Variants in PABPC4L observed in about 807,000 individuals in gnomAD.
PABPC4L encodes the protein polyadenylate-binding protein 4-like.
For missense variants in PABPC4L, 452 were observed against 451.4 expected, an observed-to-expected ratio of 1.00 and a Z score of -0.01; for synonymous variants, 169 against 164.1, an observed-to-expected ratio of 1.03 and a Z score of -0.23.
At chr4:134,003,027 G>A in the PABPC4L span, among the ~76,000 whole-genome samples, 1 of 151,888 alleles carries the variant, frequency 6.6e-6, no homozygotes, top group Admixed American at 6.6e-5. Flanking sequence ...TGCTTCAGAG[G>A]TATATATTGC....
Position 134,200,977 on chromosome 4 carries a change from C to G in PABPC4L, c.43G>C (p.Gly15Arg). 1 of 1,553,046 alleles carries G rather than the reference C, an allele frequency of 6.4e-7. No individual in the cohort carries two copies. Among genetic ancestry groups the G allele is most frequent in the Non-Finnish European group, 8.7e-7 (1 of 1,147,748 alleles). ...AKYRMASLYV[G>R]DLHADVTEDL... ...TCGGTGACATCTGCATGTAAGTCAC[C>G]CACATACAGGGAGGCCATGCGGTAC... Residue 15 changes from glycine to arginine, a missense_variant, in exon 2 of 2, where the codon GGT becomes CGT. Coordinates refer to ENST00000421491, the MANE Select transcript of PABPC4L (RefSeq NM_001114734.2).
At chr4:134,168,003 A>C in the PABPC4L span, among the ~76,000 whole-genome samples, 1 of 152,056 alleles carries the variant, frequency 6.6e-6, no homozygotes, top group Non-Finnish European at 1.5e-5. Context: ...TCTCCTCAGC[A>C]CATGAAACAT....
At chr4:134,058,024 A>G in the PABPC4L span, among the ~76,000 whole-genome samples, 1 of 152,022 alleles carries the variant, frequency 6.6e-6, no homozygotes, top group Non-Finnish European at 1.5e-5. Context: ...ATTTTTAAAT[A>G]TGAGTTGAGG....
chr4:134,079,996 T>A, the PABPC4L span, among the ~76,000 whole-genome samples: 1 of 152,142 alleles, frequency 6.6e-6, no homozygotes, highest in Non-Finnish European at 1.5e-5. Context: ...TTATTTCTAT[T>A]TTTTTATTAT....
At chr4:134,080,362 G>A in the PABPC4L span, among the ~76,000 whole-genome samples, 1 of 151,966 alleles carries the variant, frequency 6.6e-6, no homozygotes, top group East Asian at 1.9e-4. Flanking sequence ...CTCTTTCAAT[G>A]GTAATTTGCA....
At chr4:134,036,345 T>C in the PABPC4L span, among the ~76,000 whole-genome samples, 1 of 152,142 alleles carries the variant, frequency 6.6e-6, no homozygotes, top group African/African-American at 2.4e-5. Flanking sequence ...ATATTCATGA[T>C]CTGTCAATAA....
chr4:134,116,243 G>C, the PABPC4L span, among the ~76,000 whole-genome samples: 4 of 151,694 alleles, frequency 2.6e-5, no homozygotes, highest in East Asian at 5.8e-4. Context: ...GTTCAAAGAA[G>C]TTTACAATTA....
At chr4:134,016,762 T>G in the PABPC4L span, among the ~76,000 whole-genome samples, 1 of 152,244 alleles carries the variant, frequency 6.6e-6, no homozygotes, top group South Asian at 2.1e-4. Context: ...TCATTTCCTT[T>G]CCATCCTGGA....
the PABPC4L span, among the ~76,000 whole-genome samples, chr4:134,171,372 C>T: frequency 1.3e-5 from 2 of 152,094 alleles, no homozygotes; most frequent in African/African-American, 4.8e-5. Context: ...CCTCGGCCTC[C>T]CAAAGTACTG....
Position 134,200,022 on chromosome 4 carries a change from C to T in PABPC4L, c.998G>A (p.Gly333Glu), listed in dbSNP as rs1578884630. The T allele has an allele frequency of 7.1e-6, 11 of 1,551,498 alleles. No homozygotes were observed. Among genetic ancestry groups the T allele is most frequent in the Non-Finnish European group, 9.6e-6 (11 of 1,146,954 alleles). Residue 333 changes from glycine (G) to glutamate (E), a missense_variant, in exon 2 of 2, where the codon GGG (glycine) becomes GAG (glutamate). Gly to Glu is a moderately conservative substitution (Grantham distance 98, BLOSUM62 -2). Transcript: ENST00000421491. The stretch of plus-strand genomic sequence containing the variant: ...AGAGGAGAAGCAGATCAAGCCAAAC[C>T]CTTTGCTCTGCCCCTCTTCCTGCAT... ...KVMQEEGQSKGFGLICFSSPE... is the reference protein window; with the variant it reads ...KVMQEEGQSKEFGLICFSSPE...
At chr4:134,194,493 C>A (rs1729601565), downstream of PABPC4L, among the ~76,000 whole-genome samples, 1 of 151,770 alleles carries the variant, frequency 6.6e-6, no homozygotes, top group Non-Finnish European at 1.5e-5. Flanking sequence ...ATCAGCAAAT[C>A]TCATTACCTT....
At chr4:134,130,525 A>T in the PABPC4L span, among the ~76,000 whole-genome samples, 1 of 152,096 alleles carries the variant, frequency 6.6e-6, no homozygotes, top group Non-Finnish European at 1.5e-5. Context: ...TGCAAGATTG[A>T]AATGGTAATT....
At chr4:134,177,395 T>A in the PABPC4L span, among the ~76,000 whole-genome samples, 1 of 151,906 alleles carries the variant, frequency 6.6e-6, no homozygotes, top group Non-Finnish European at 1.5e-5. Context: ...AGGATAGTCT[T>A]GATCTCTTGA....
At chr4:134,013,358 C>T in the PABPC4L span, among the ~76,000 whole-genome samples, 1 of 151,940 alleles carries the variant, frequency 6.6e-6, no homozygotes, top group African/African-American at 2.4e-5. Context: ...AAGAACCCCC[C>T]ACCTCTTCTC....
chr4:134,094,566 C>T, the PABPC4L span, among the ~76,000 whole-genome samples: 1 of 151,750 alleles, frequency 6.6e-6, no homozygotes, highest in African/African-American at 2.4e-5. Context: ...GCTATAGAAA[C>T]ATTTCATATA....
rs1729658200 is a variant in PABPC4L, at chr4:134,196,434, T to A, written c.*3473A>T. ...CAATATTAAATCACTTTAAAATTTT[T>A]ATTTTTACCAACTATAAATTCCTAT... On this transcript the variant is annotated 3_prime_UTR_variant, in exon 2 of 2. Transcript: ENST00000421491. The A allele has an allele frequency of 6.6e-6, 1 of 151,914 alleles. No homozygotes were observed. Among genetic ancestry groups the A allele is most frequent in the Non-Finnish European group, 1.5e-5 (1 of 67,694 alleles). 9.4% of individuals were successfully genotyped at this position (151,914 alleles called of 1,614,324 possible).
chr4:134,129,648 T>G, the PABPC4L span, among the ~76,000 whole-genome samples: 1 of 151,978 alleles, frequency 6.6e-6, no homozygotes, highest in Admixed American at 6.6e-5. Context: ...AAATTTAAAT[T>G]TTTAAATTTA....
At chr4:134,082,537 T>C in the PABPC4L span, among the ~76,000 whole-genome samples, 2 of 152,138 alleles carry the variant, frequency 1.3e-5, no homozygotes, top group African/African-American at 4.8e-5. Flanking sequence ...AAAAAGTTAA[T>C]TTTTTAATGT....
chr4:134,125,925 T>C, the PABPC4L span, among the ~76,000 whole-genome samples: 2 of 152,062 alleles, frequency 1.3e-5, no homozygotes, highest in African/African-American at 2.4e-5. Context: ...GAAGTGCACA[T>C]TGGGTTAAAC....
Sources: gnomAD v4.1 joint callset for allele counts (sites outside exome capture counted in the v4.1 genomes callset) on GRCh38, gnomAD v4.1.1 for gene constraint, MANE v1.5 for transcripts, NCBI Gene and HGNC (gene_info 2026-07-23, HGNC 2026-07-21) for gene names.